Variants in WT1 observed in about 807,000 individuals in gnomAD.
WT1 encodes Wilms tumor protein.
In WT1, 8 loss-of-function variants were observed where a neutral mutation model predicts 60.8. The observed-to-expected ratio is 0.13, with a 90% CI of 0.08 to 0.24. The LOEUF (loss-of-function observed/expected upper bound fraction) is 0.24, where lower values mean the gene tolerates loss of function less well. Among genes scored for constraint, WT1 ranks in the 10% least tolerant of loss-of-function variants. The probability of loss-of-function intolerance (pLI) is 1.00; values close to 1 mark genes in which losing one functional copy is unlikely to be tolerated. For missense variants in WT1, 568 were observed against 711.8 expected (o/e 0.80, Z 2.30); for synonymous variants, 312 against 297.1 (o/e 1.05, Z -0.52).
chr11:32,426,670 C>G (rs980223328), intron 3 of WT1, among the ~76,000 whole-genome samples: 4 of 151,886 alleles, frequency 2.6e-5, no homozygotes, highest in Non-Finnish European at 4.4e-5. Flanking sequence ...ATAGATAAAC[C>G]GGATGTTCCG....
At chr11:32,397,384 G>T (rs533115142) in intron 6 of WT1, among the ~76,000 whole-genome samples, 1 of 152,056 alleles carries the variant, frequency 6.6e-6, no homozygotes, top group African/African-American at 2.4e-5. Context: ...TGGCACGATC[G>T]GGGCTCCTGC....
intron 5 of WT1, chr11:32,400,282 C>T (rs1852115344): frequency 1.7e-6 from 1 of 593,886 alleles, no homozygotes; most frequent in African/African-American, 1.8e-5. Context: ...AGGCGTGCAC[C>T]GTCACGGTCT....
chr11:32,431,486 C>CAGTG (rs1377254845), intron 1 of WT1, among the ~76,000 whole-genome samples: 1 of 147,562 alleles, frequency 6.8e-6, no homozygotes. Flanking sequence ...GCCCAGGCTG[C>CAGTG]AGTGCAGTGG....
intron 3 of WT1, among the ~76,000 whole-genome samples, chr11:32,427,673 C>T (rs1159944877): frequency 6.6e-6 from 1 of 152,242 alleles, no homozygotes; most frequent in East Asian, 1.9e-4. Context: ...AAATTCCTCC[C>T]AGTAAAGACC....
chr11:32,433,108 T>C (rs989757230), intron 1 of WT1, among the ~76,000 whole-genome samples: 2 of 152,198 alleles, frequency 1.3e-5, no homozygotes, highest in African/African-American at 4.8e-5. Context: ...TGTCCTCTTA[T>C]AGACGGGGAC....
chr11:32,428,121 G>A, intron 2 of WT1, 63 bp from the exon 3 acceptor site: 1 of 1,443,152 alleles, frequency 6.9e-7, no homozygotes, highest in Non-Finnish European at 9.4e-7. Flanking sequence ...GCGAGGCTGC[G>A]GGCAGGGGTT....
chr11:32,422,100 G>A (rs1371035863), intron 3 of WT1, among the ~76,000 whole-genome samples: 2 of 152,248 alleles, frequency 1.3e-5, no homozygotes, highest in Non-Finnish European at 2.9e-5. Context: ...AGAGGGTGCA[G>A]CCAGACTTCC....
At chr11:32,420,080 G>C (rs751470157) in intron 3 of WT1, among the ~76,000 whole-genome samples, 14 of 152,146 alleles carry the variant, frequency 9.2e-5, no homozygotes, top group Non-Finnish European at 1.2e-4. Flanking sequence ...ACTTTTTCTA[G>C]TGTGTACTGT....
At chr11:32,434,521 T>A (rs1467253423) in intron 1 of WT1, among the ~76,000 whole-genome samples, 179 bp downstream of exon 1, 1 of 152,200 alleles carries the variant, frequency 6.6e-6, no homozygotes, top group Admixed American at 6.5e-5. Context: ...GGCCAGTGCC[T>A]GCGTGCACTC....
At chr11:32,411,972 G>A (rs911544319) in intron 5 of WT1, among the ~76,000 whole-genome samples, 4 of 152,144 alleles carry the variant, frequency 2.6e-5, no homozygotes, top group Non-Finnish European at 5.9e-5. Context: ...GAGTAGGCTC[G>A]GCAATGCTGA....
intron 6 of WT1, among the ~76,000 whole-genome samples, chr11:32,396,701 G>T (rs922615223): frequency 1.3e-5 from 2 of 152,140 alleles, no homozygotes; most frequent in Non-Finnish European, 2.9e-5. Context: ...AGAAATGCTG[G>T]TACCTGGAAG....
chr11:32,414,009 T>C (rs1461672599), intron 5 of WT1, among the ~76,000 whole-genome samples: 1 of 152,160 alleles, frequency 6.6e-6, no homozygotes, highest in Non-Finnish European at 1.5e-5. Context: ...AGAGGAAACA[T>C]GTACAGCCCC....
At chr11:32,431,427 G>T (rs2133089871) in intron 1 of WT1, among the ~76,000 whole-genome samples, 1 of 143,228 alleles carries the variant, frequency 7.0e-6, no homozygotes, top group African/African-American at 2.7e-5. Flanking sequence ...GGACTAGCAG[G>T]CAACCTCTTT....
Position 32,417,827 on chromosome 11 carries a change from C to T in WT1, c.888-173G>A, listed in dbSNP as rs182309671. 1.9e-4 allele frequency among the ~76,000 whole-genome samples: 29 copies of T among 152,020 alleles called. No individual in the cohort carries two copies. The East Asian group carries it at 5.4e-3, about 28-fold the overall frequency. Reference sequence around the variant, plus strand: ...TCATTTCATCCCACTGATCTCTGCACAGTTATACACTTCATACACAGCAGA... The same window carrying T: ...TCATTTCATCCCACTGATCTCTGCATAGTTATACACTTCATACACAGCAGA... On this transcript the variant is annotated intron_variant, in intron 3 of 9. Transcript: ENST00000452863.
intron 3 of WT1, among the ~76,000 whole-genome samples, chr11:32,423,622 G>A (rs1433375119): frequency 6.6e-6 from 1 of 152,230 alleles, no homozygotes; most frequent in East Asian, 1.9e-4. Flanking sequence ...CAGAGGGTAG[G>A]AGGATGGATT....
intron 5 of WT1, chr11:32,400,507 T>G: frequency 3.2e-6 from 1 of 309,902 alleles, no homozygotes; most frequent in Non-Finnish European, 6.3e-6. Flanking sequence ...AGAAGAGATG[T>G]CATGTCCTCA....
chr11:32,396,324 A>G lies in WT1; in HGVS notation c.1197T>C (p.Ala399=). The stretch of plus-strand genomic sequence containing the variant: ...AATATCTCTTATTGCAGCCTGGGTA[A>G]GCACACATGAAGGGGCGTTTCTCAC... The change falls in exon 7 of 10, where the codon GCT becomes GCC. Residue 399 remains alanine, a synonymous_variant. Coordinates refer to ENST00000452863, the MANE Select transcript of WT1 (RefSeq NM_024426.6). The G allele has an allele frequency of 6.2e-7, 1 of 1,614,188 alleles. No individual in the cohort carries two copies. Among genetic ancestry groups the G allele is most frequent in the Non-Finnish European group, 8.5e-7 (1 of 1,180,030 alleles).
chr11:32,388,393 T>A lies in WT1; in HGVS notation c.*665A>T. ...AAGAGCAGTGTGCCAGTGTTCACAT[T>A]GAATTAACTGAATGGTAAAATTCTT... On this transcript the variant is annotated 3_prime_UTR_variant, in exon 10 of 10. Transcript: ENST00000452863. The A allele has an allele frequency of 4.3e-6, 1 of 234,026 alleles. No homozygotes were observed. The highest frequency in any genetic ancestry group is 8.4e-6 in the Non-Finnish European group (1 of 118,514). 14.5% of individuals were successfully genotyped at this position (234,026 alleles called of 1,614,324 possible).
chr11:32,411,460 GA>G (rs1437116405), intron 5 of WT1, among the ~76,000 whole-genome samples: 2 of 152,132 alleles, frequency 1.3e-5, no homozygotes, highest in Admixed American at 6.6e-5. Flanking sequence ...TTGTAAGAAA[GA>G]AAATGACACA....
Sources: gnomAD v4.1 joint callset for allele counts (sites outside exome capture counted in the v4.1 genomes callset) on GRCh38, gnomAD v4.1.1 for gene constraint, MANE v1.5 for transcripts, NCBI Gene and HGNC (gene_info 2026-07-23, HGNC 2026-07-21) for gene names.